The following DAB1 variants were observed in gnomAD, a reference collection of about 807,000 sequenced individuals.
DAB1 encodes DAB adaptor protein 1, also known as disabled homolog 1.
In DAB1, 15 loss-of-function variants were observed where a neutral mutation model predicts 64.6. The observed-to-expected ratio is 0.23, with a 90% CI of 0.16 to 0.36. The LOEUF (loss-of-function observed/expected upper bound fraction) is 0.36. DAB1 is among the 10% of genes least tolerant of loss of function. DAB1 has a pLI of 1.00. For missense variants in DAB1, 596 were observed against 706.7 expected (o/e 0.84, Z 1.78); for synonymous variants, 235 against 251.9 (o/e 0.93, Z 0.64).
chr1:58,355,174 T>C (rs922287669), intron 3 of DAB1, among the ~76,000 whole-genome samples: 1 of 152,156 alleles, frequency 6.6e-6, no homozygotes, highest in African/African-American at 2.4e-5. Flanking sequence ...GACTTAAAAA[T>C]GCAATTGAGG....
chr1:58,191,446 C>T (rs926854032), intron 4 of DAB1, among the ~76,000 whole-genome samples: 8 of 152,038 alleles, frequency 5.3e-5, no homozygotes, highest in East Asian at 3.9e-4. Context: ...GAAAGAATCC[C>T]GGACCACTGA....
chr1:58,523,603 A>G (rs1646301338), intron 2 of DAB1, among the ~76,000 whole-genome samples: 1 of 152,180 alleles, frequency 6.6e-6, no homozygotes. Context: ...GAATGTAAAA[A>G]GAACTGGCAG....
intron 6 of DAB1, among the ~76,000 whole-genome samples, chr1:57,818,382 C>T (rs1651965919): frequency 6.6e-6 from 1 of 152,116 alleles, no homozygotes; most frequent in South Asian, 2.1e-4. Context: ...CTAAGTCCTC[C>T]CTAGAAGGGG....
At chr1:57,452,325 T>C (rs1163768875) in intron 7 of DAB1, among the ~76,000 whole-genome samples, 1 of 151,994 alleles carries the variant, frequency 6.6e-6, no homozygotes, top group East Asian at 1.9e-4. Flanking sequence ...GTAACAAACC[T>C]CACAAGAGAC....
At chr1:57,357,822 C>T (rs996124028) in intron 1 of DAB1, among the ~76,000 whole-genome samples, 2 of 151,872 alleles carry the variant, frequency 1.3e-5, no homozygotes, top group Non-Finnish European at 2.9e-5. Flanking sequence ...AACTCACTCA[C>T]TATCATGAGA....
At chr1:57,870,041 G>A (rs998139526) in intron 1 of DAB1, among the ~76,000 whole-genome samples, 8 of 152,084 alleles carry the variant, frequency 5.3e-5, no homozygotes, top group African/African-American at 1.9e-4. Context: ...AGGCAAATTG[G>A]ATGAGTTTTG....
intron 8 of DAB1, among the ~76,000 whole-genome samples, chr1:57,066,086 G>C (rs758693613): frequency 6.6e-6 from 1 of 152,154 alleles, no homozygotes; most frequent in Non-Finnish European, 1.5e-5. Context: ...TCCAGGCTTT[G>C]TTGGGTAACA....
downstream of DAB1, among the ~76,000 whole-genome samples, chr1:57,821,663 G>A (rs958404211): frequency 1.3e-5 from 2 of 152,300 alleles, no homozygotes; most frequent in Non-Finnish European, 2.9e-5. Flanking sequence ...TTCCTCACTT[G>A]ATGGAATGCA....
chr1:58,352,592 T>A (rs1169856522), intron 3 of DAB1, among the ~76,000 whole-genome samples: 2 of 152,102 alleles, frequency 1.3e-5, no homozygotes, highest in Non-Finnish European at 2.9e-5. Flanking sequence ...TCCAGCACAG[T>A]AAAAATAAAC....
intron 7 of DAB1, among the ~76,000 whole-genome samples, chr1:57,445,388 T>G (rs1686101622): frequency 6.6e-6 from 1 of 152,160 alleles, no homozygotes; most frequent in Non-Finnish European, 1.5e-5. Flanking sequence ...AAGCTCAGGC[T>G]GAGGAAATTG....
At chr1:57,690,689 G>A (rs1024747107) in intron 6 of DAB1, among the ~76,000 whole-genome samples, 1 of 152,134 alleles carries the variant, frequency 6.6e-6, no homozygotes, top group African/African-American at 2.4e-5. Flanking sequence ...TCATATGGTA[G>A]CCCGATTTTT....
At chr1:57,988,582 T>C (rs1397524691) in intron 5 of DAB1, among the ~76,000 whole-genome samples, 1 of 152,188 alleles carries the variant, frequency 6.6e-6, no homozygotes, top group African/African-American at 2.4e-5. Flanking sequence ...AAACTTCATC[T>C]TGGCCTCTAA....
chr1:58,540,198 G>A lies in DAB1; in HGVS notation n.32+6505C>T, dbSNP rs116265333. Among the ~76,000 whole-genome samples, 821 of 151,924 alleles carry A rather than the reference G, an allele frequency of 5.4e-3. 5 individuals are homozygous for A. The highest frequency in any genetic ancestry group is 0.019 in the African/African-American group (786 of 41,384). On this transcript the variant is annotated intron_variant and non_coding_transcript_variant, in intron 1 of 20. Coordinates refer to the DAB1 transcript ENST00000485760. ...ATTAGAGAAAGATTAGTCTGAGACC[G>A]AAAGCTGCTCTGGCCCCACCTAACA...
Position 58,435,461 on chromosome 1 carries a change from G to A in DAB1, n.257+70599C>T, listed in dbSNP as rs61780378. On this transcript the variant is annotated intron_variant and non_coding_transcript_variant, in intron 3 of 20. Coordinates refer to the DAB1 transcript ENST00000485760. ...GTTTCCCACATTTTAACAGAGAAGCGGTAACCCATGTGTTCAGGCACTCAT... is the reference window on the plus strand; with the variant it reads ...GTTTCCCACATTTTAACAGAGAAGCAGTAACCCATGTGTTCAGGCACTCAT... Among the ~76,000 whole-genome samples, 300 of 152,166 alleles carry A rather than the reference G, an allele frequency of 2.0e-3. 2 individuals are homozygous for A. Among genetic ancestry groups the A allele is most frequent in the African/African-American group, 7.0e-3 (291 of 41,504 alleles).
At chr1:57,600,906 AT>A (rs1243924456) in intron 7 of DAB1, among the ~76,000 whole-genome samples, 1 of 152,144 alleles carries the variant, frequency 6.6e-6, no homozygotes, top group Non-Finnish European at 1.5e-5. Context: ...TAATTTTCAA[AT>A]CCTAATTATA....
chr1:57,378,368 T>C (rs1378564044), intron 1 of DAB1, among the ~76,000 whole-genome samples: 1 of 152,210 alleles, frequency 6.6e-6, no homozygotes, highest in East Asian at 1.9e-4. Flanking sequence ...CAGGCAATCA[T>C]CAAATAAATA....
chr1:58,458,843 C>T (rs1569827355), intron 3 of DAB1, among the ~76,000 whole-genome samples: 1 of 150,542 alleles, frequency 6.6e-6, no homozygotes, highest in South Asian at 2.1e-4. Flanking sequence ...AAAAAAAAAA[C>T]GGTTTGCAGT....
intron 3 of DAB1, among the ~76,000 whole-genome samples, chr1:58,433,163 A>T (rs1413491454): frequency 6.6e-6 from 1 of 152,180 alleles, no homozygotes; most frequent in Non-Finnish European, 1.5e-5. Context: ...GGCTTCTCTC[A>T]TGAAGGTGGC....
At chr1:57,762,799 C>A (rs552895534) in intron 6 of DAB1, among the ~76,000 whole-genome samples, 35 of 152,200 alleles carry the variant, frequency 2.3e-4, no homozygotes, top group Non-Finnish European at 4.6e-4. Flanking sequence ...GAGCCTGGAT[C>A]GCCCTGAGAG....
Sources: allele counts gnomAD v4.1 joint callset (sites outside exome capture counted in the v4.1 genomes callset), GRCh38; gene constraint gnomAD v4.1.1; transcripts MANE v1.5; gene names NCBI Gene and HGNC (gene_info 2026-07-23, HGNC 2026-07-21).